Variants in SNX29 observed in about 807,000 individuals in gnomAD.
SNX29 encodes the protein sorting nexin 29, also known as sorting nexin-29.
Under a neutral mutation model 102.1 loss-of-function variants are expected in SNX29, and 78 were observed. The observed-to-expected ratio is 0.76, with a 90% CI of 0.64 to 0.92. The LOEUF is 0.92. Ranked by LOEUF, SNX29 falls within the 40% of genes least tolerant of loss-of-function variation. The probability of loss-of-function intolerance (pLI) is 0.00; values close to 1 mark genes in which losing one functional copy is unlikely to be tolerated. For missense variants in SNX29, 1,280 were observed against 1,061.7 expected (o/e 1.21, Z -2.86); for synonymous variants, 580 against 414.5 (o/e 1.40, Z -4.85).
At chr16:12,187,250 G>A (rs2076533401) in intron 13 of SNX29, among the ~76,000 whole-genome samples, 1 of 152,182 alleles carries the variant, frequency 6.6e-6, no homozygotes, top group Non-Finnish European at 1.5e-5. Flanking sequence ...GCCCCTCTAT[G>A]CCTGGGACTC....
In SNX29 at chr16:12,459,922, C is replaced by T. The variant is rs553674244; in HGVS notation, c.2038-17797C>T. Among the ~76,000 whole-genome samples, 13 of 152,310 alleles carry T rather than the reference C, an allele frequency of 8.5e-5. No individual in the cohort carries two copies. The South Asian group carries it at 2.1e-3, about 24-fold the overall frequency. ...GTGACTAAGAAGATAGAAGGACCAG[C>T]GACACCATCGGCCTAGCTCACAGAG... On this transcript the variant is annotated intron_variant, in intron 18 of 20. Transcript: ENST00000566228.
At position 12,572,532 on chromosome 16, in the gene SNX29, G is replaced by A. The variant is rs8061734; in HGVS notation, c.*3903G>A. 9.4e-7 allele frequency: 1 copy of A among 1,063,822 alleles called. No homozygotes were observed. The highest frequency in any genetic ancestry group is 5.0e-5 in the East Asian group (1 of 19,914). The allele number at this position is 1,063,822 out of a possible 1,614,324, so 65.9% of individuals were successfully genotyped here. ...TGCTCCACGTGCTCAAGCCCCCACAGGGGGCTGCGACACCATCTGGCTCCT... is the reference window on the plus strand; with the variant it reads ...TGCTCCACGTGCTCAAGCCCCCACAAGGGGCTGCGACACCATCTGGCTCCT... On this transcript the variant is annotated 3_prime_UTR_variant, in exon 21 of 21. Transcript: ENST00000566228.
At chr16:12,418,948 C>G (rs1401727074) in intron 18 of SNX29, among the ~76,000 whole-genome samples, 1 of 152,184 alleles carries the variant, frequency 6.6e-6, no homozygotes, top group African/African-American at 2.4e-5. Flanking sequence ...TCTGCCTAAA[C>G]CTGTCTGATG....
intron 19 of SNX29, among the ~76,000 whole-genome samples, chr16:12,503,081 C>G (rs2089201244): frequency 6.6e-6 from 1 of 152,168 alleles, no homozygotes; most frequent in Non-Finnish European, 1.5e-5. Context: ...TTCATTACAG[C>G]CACAGGGAGG....
rs147756034 is a variant in SNX29 at position 12,566,829 on chromosome 16, G to A, written c.2319-1677G>A. ...GATGATTCAGAGCAGCTCCGGCTTTGTTCAAGGTCAAATGTTTCTTTTTCA... is the reference window on the plus strand; with the variant it reads ...GATGATTCAGAGCAGCTCCGGCTTTATTCAAGGTCAAATGTTTCTTTTTCA... On this transcript the variant is annotated intron_variant, in intron 20 of 20. Coordinates refer to ENST00000566228, the MANE Select transcript of SNX29 (RefSeq NM_032167.5). Among the ~76,000 whole-genome samples the A allele has an allele frequency of 2.7e-3, 415 of 152,348 alleles. 1 individual carries two copies. The highest frequency in any genetic ancestry group is 9.4e-3 in the African/African-American group (393 of 41,590).
In SNX29 at chr16:12,366,426, T is replaced by A. The variant is rs549688842; in HGVS notation, c.1899+10147T>A. 8.5e-5 allele frequency among the ~76,000 whole-genome samples: 13 copies of A among 152,346 alleles called. No individual in the cohort carries two copies. The South Asian group carries it at 1.5e-3, about 17-fold the overall frequency. On this transcript the variant is annotated intron_variant, in intron 16 of 20. Transcript: ENST00000566228. ...AGGGCCATTAAATGTCATGTTTTTT[T>A]ATTGATGTACTAGCTAGCAGGGAGC...
chr16:12,053,545 G>C lies in SNX29; in HGVS notation c.1124+1323G>C, dbSNP rs35743554. Among the ~76,000 whole-genome samples the C allele has an allele frequency of 4.3e-3, 650 of 152,074 alleles. 3 individuals carry two copies. Among genetic ancestry groups the C allele is most frequent in the Non-Finnish European group, 5.2e-3 (354 of 67,984 alleles). ...CTCTGTCTCTACAAAAAAATAAAAAGTATAAAATGAATATACAGAAATGTA... is the reference window on the plus strand; with the variant it reads ...CTCTGTCTCTACAAAAAAATAAAAACTATAAAATGAATATACAGAAATGTA... On this transcript the variant is annotated intron_variant, in intron 8 of 20. Coordinates refer to ENST00000566228, the MANE Select transcript of SNX29 (RefSeq NM_032167.5).
At chr16:12,257,384 T>A (rs1202847853) in intron 14 of SNX29, among the ~76,000 whole-genome samples, 1 of 152,206 alleles carries the variant, frequency 6.6e-6, no homozygotes, top group Non-Finnish European at 1.5e-5. Flanking sequence ...TATACTCTCC[T>A]ATCTCAAGGT....
At chr16:12,466,230 T>C (rs971987002) in intron 18 of SNX29, among the ~76,000 whole-genome samples, 3 of 152,158 alleles carry the variant, frequency 2.0e-5, no homozygotes, top group Non-Finnish European at 1.5e-5. Context: ...TGATATCATG[T>C]CATATAGAAA....
At chr16:12,158,882 A>G (rs1258418923) in intron 13 of SNX29, among the ~76,000 whole-genome samples, 1 of 152,162 alleles carries the variant, frequency 6.6e-6, no homozygotes, top group Non-Finnish European at 1.5e-5. Flanking sequence ...CACTTTCTCT[A>G]GTTAGTGCCC....
intron 20 of SNX29, among the ~76,000 whole-genome samples, chr16:12,565,654 C>G: frequency 6.6e-6 from 1 of 152,236 alleles, no homozygotes; most frequent in East Asian, 1.9e-4. Context: ...AGCCTCGTGA[C>G]AGCTCAGTGC....
At chr16:12,549,140 T>C (rs1304580664) in intron 20 of SNX29, among the ~76,000 whole-genome samples, 4 of 151,918 alleles carry the variant, frequency 2.6e-5, no homozygotes, top group African/African-American at 4.8e-5. Context: ...GGGGTAGTTT[T>C]GATTTAGCAG....
intron 14 of SNX29, among the ~76,000 whole-genome samples, chr16:12,201,855 C>T (rs777091914): frequency 4.6e-5 from 7 of 152,208 alleles, no homozygotes; most frequent in African/African-American, 9.6e-5. Flanking sequence ...TTGAAAACCT[C>T]AGCGCTACAC....
chr16:12,560,142 C>CG (rs1050843961), intron 20 of SNX29, among the ~76,000 whole-genome samples: 6 of 47,644 alleles, frequency 1.3e-4, no homozygotes, highest in Non-Finnish European at 3.0e-4. Flanking sequence ...CCCTCCCCCC[C>CG]CCAACAAACA....
intron 20 of SNX29, among the ~76,000 whole-genome samples, chr16:12,540,540 T>G (rs2077284930): frequency 1.3e-5 from 2 of 152,250 alleles, no homozygotes; most frequent in South Asian, 4.1e-4. Flanking sequence ...CGCGGCTTCC[T>G]GGCAGCCACC....
At chr16:12,294,464 T>G (rs2079911363) in intron 15 of SNX29, among the ~76,000 whole-genome samples, 1 of 152,130 alleles carries the variant, frequency 6.6e-6, no homozygotes, top group Non-Finnish European at 1.5e-5. Context: ...AGAATGAGTC[T>G]TCTTGGTTTC....
chr16:12,186,609 C>T (rs1043336309), intron 13 of SNX29, among the ~76,000 whole-genome samples: 1 of 152,212 alleles, frequency 6.6e-6, no homozygotes, highest in East Asian at 1.9e-4. Flanking sequence ...TGGCTAATCT[C>T]TCTGACTGAG....
intron 15 of SNX29, among the ~76,000 whole-genome samples, chr16:12,344,590 A>G (rs777310374): frequency 6.6e-6 from 1 of 152,252 alleles, no homozygotes; most frequent in Non-Finnish European, 1.5e-5. Flanking sequence ...TAAGTTTCTT[A>G]AGAAGGAGCC....
rs1351446492 is a variant in SNX29, at chr16:12,569,270, C to A, written c.*641C>A. On this transcript the variant is annotated 3_prime_UTR_variant, in exon 21 of 21. Coordinates refer to ENST00000566228, the MANE Select transcript of SNX29 (RefSeq NM_032167.5). ...CCATTAGTGATGTGCAACTTGAGTT[C>A]AGAGAACTTCCCCTACCTCCCCCAT... The A allele has an allele frequency of 8.8e-6, 2 of 227,758 alleles. No homozygotes were observed. Among genetic ancestry groups the A allele is most frequent in the Non-Finnish European group, 1.7e-5 (2 of 114,788 alleles). 14.1% of individuals were successfully genotyped at this position (227,758 alleles called of 1,614,324 possible).
Sources: gnomAD v4.1 joint callset for allele counts (sites outside exome capture counted in the v4.1 genomes callset) on GRCh38, gnomAD v4.1.1 for gene constraint, MANE v1.5 for transcripts, NCBI Gene and HGNC (gene_info 2026-07-23, HGNC 2026-07-21) for gene names.